Variants in FERMT3 observed in about 807,000 individuals in gnomAD.
FERMT3 encodes the protein FERM domain containing kindlin 3.
A neutral mutation model predicts 80.8 loss-of-function variants in FERMT3; 33 were observed. The observed-to-expected ratio is 0.41, with a 90% CI of 0.31 to 0.55. The LOEUF is 0.55. Ranked by LOEUF, FERMT3 falls within the 20% of genes least tolerant of loss-of-function variation. The pLI is 0.31. For missense variants in FERMT3, 754 were observed against 908.7 expected, an observed-to-expected ratio of 0.83 and a Z score of 2.19; for synonymous variants, 375 against 372.2, an observed-to-expected ratio of 1.01 and a Z score of -0.09.
chr11:64,211,170 G>T lies in FERMT3; in HGVS notation c.513G>T (p.Gly171=), dbSNP rs769761137. ...LYDLSKVVLA[G]GVAPALFRGM... ...ACTTGAGCAAGGTTGTCTTGGCTGG[G>T]GGTGAGTGCAAGTGGGGGTGGGCCT... The change falls in exon 4 of 15, where the codon GGG becomes GGT. Residue 171 remains glycine (G), a splice_region_variant and synonymous_variant. Transcript: ENST00000345728. The surrounding 1 kb of genome is among the most constrained non-coding windows in gnomAD (Gnocchi z 4.7). 2 of 1,551,646 alleles carry T rather than the reference G, an allele frequency of 1.3e-6. No homozygotes were observed. The highest frequency in any genetic ancestry group is 2.4e-5 in the South Asian group (2 of 84,188).
chr11:64,217,421 T>C (rs1946575132), intron 6 of FERMT3, among the ~76,000 whole-genome samples: 1 of 152,056 alleles, frequency 6.6e-6, no homozygotes, highest in South Asian at 2.1e-4. Flanking sequence ...TGGTGGTGCA[T>C]GCCTGTAATC....
chr11:64,216,225 CT>C (rs1308492700), intron 6 of FERMT3, among the ~76,000 whole-genome samples: 5 of 138,792 alleles, frequency 3.6e-5, no homozygotes, highest in African/African-American at 1.4e-4. Flanking sequence ...GAGATGGAGT[CT>C]TCTTCTGTCA....
In FERMT3 at chr11:64,214,806, GT is replaced by G. The variant is rs751133114; in HGVS notation, c.786+3072del. On this transcript the variant is annotated intron_variant, in intron 6 of 14. Transcript: ENST00000345728. The stretch of plus-strand genomic sequence containing the variant: ...TGTTTTTTGAGTGTTCTTTTATAGG[GT>G]TTTTTTTTTTTTGAGAGGGAGTTTC... Among the ~76,000 whole-genome samples, 257 of 140,248 alleles carry G rather than the reference GT, an allele frequency of 1.8e-3. 1 individual carries two copies. The highest frequency in any genetic ancestry group is 3.4e-3 in the African/African-American group (131 of 38,620). The allele number at this position is 140,248 out of a possible 152,430, so 92.0% of individuals were successfully genotyped here. A position where few individuals can be genotyped will look rare whatever the true frequency, so the allele number is the denominator to read the frequency against.
Position 64,211,196 on chromosome 11 carries a change from G to T in FERMT3, c.514+25G>T. ...GGTGAGTGCAAGTGGGGGTGGGCCT[G>T]GGGGGTTGGGGGCAGGGGCCGGCCC... On this transcript the variant is annotated intron_variant, in intron 4 of 14. Transcript: ENST00000345728. The surrounding 1 kb of genome is among the most constrained non-coding windows in gnomAD (Gnocchi z 4.7). 1 of 1,566,328 alleles carries T rather than the reference G, an allele frequency of 6.4e-7. No individual in the cohort carries two copies. The highest frequency in any genetic ancestry group is 1.4e-5 in the African/African-American group (1 of 73,942).
Position 64,223,549 on chromosome 11 carries a change from C to A in FERMT3, c.*57C>A. The A allele has an allele frequency of 6.4e-7, 1 of 1,556,694 alleles. No homozygotes were observed. The highest frequency in any genetic ancestry group is 2.3e-5 in the East Asian group (1 of 42,890). The stretch of plus-strand genomic sequence containing the variant: ...ACCCTGTCACAGCCACTCCCAAGCC[C>A]ACACCCACAGGGGCTCACTGCCCCA... On this transcript the variant is annotated 3_prime_UTR_variant, in exon 15 of 15. Transcript: ENST00000345728.
chr11:64,212,450 C>A (rs1199910409), intron 6 of FERMT3, among the ~76,000 whole-genome samples: 1 of 152,224 alleles, frequency 6.6e-6, no homozygotes, highest in African/African-American at 2.4e-5. Context: ...CCCTCTCACT[C>A]CTTGGCCATG....
intron 13 of FERMT3, among the ~76,000 whole-genome samples, chr11:64,222,563 CAAAA>C (rs34119299): frequency 4.8e-5 from 4 of 83,440 alleles, no homozygotes; most frequent in Admixed American, 1.2e-4. Context: ...CACTCCGTCT[CAAAA>C]AAAAAAAAAA....
chr11:64,223,228 G>A, intron 14 of FERMT3, 39 bp downstream of exon 14: 1 of 1,613,268 alleles, frequency 6.2e-7, no homozygotes, highest in Non-Finnish European at 8.5e-7. Context: ...GGGGACAGGT[G>A]CAGGCCGGAG....
chr11:64,221,235 A>ACAGGCACCCCAAAGACTC, intron 13 of FERMT3, 95 bp downstream of exon 13: 1 of 1,320,264 alleles, frequency 7.6e-7, no homozygotes, highest in South Asian at 1.2e-5. Flanking sequence ...TAGGTTCTGG[A>ACAGGCACCCCAAAGACTC]CAGGCACCCC....
At position 64,211,748 on chromosome 11, in the gene FERMT3, G is replaced by A. The variant is rs1946445537; in HGVS notation, c.786+1G>A. ...CAGCTTCTTCGATTTGGATCCCAAG[G>A]TGGGTCGGGGCAGGGAGAAAGCGGG... On this transcript the variant is annotated splice_donor_variant, in intron 6 of 14. Transcript: ENST00000345728. LOFTEE classifies it high-confidence loss of function. The surrounding 1 kb of genome is among the most constrained non-coding windows in gnomAD (Gnocchi z 4.7). 6 of 1,614,158 alleles carry A rather than the reference G, an allele frequency of 3.7e-6. No homozygotes were observed. Among genetic ancestry groups the A allele is most frequent in the Non-Finnish European group, 5.1e-6 (6 of 1,180,018 alleles).
Position 64,220,465 on chromosome 11 carries a change from C to T in FERMT3, c.1341C>T (p.Gly447=). ...DEQQYARWMA[G]CRLASKGRTM... is the part of the protein sequence containing the mutation. ...AGCAGTATGCCCGCTGGATGGCTGGCTGCCGCCTGGCCTCCAAAGGCCGCA... is the reference window on the plus strand; with the variant it reads ...AGCAGTATGCCCGCTGGATGGCTGGTTGCCGCCTGGCCTCCAAAGGCCGCA... The change falls in exon 12 of 15, where the codon GGC becomes GGT. Residue 447 remains glycine, a synonymous_variant. Transcript: ENST00000345728. 6.2e-7 allele frequency: 1 copy of T among 1,610,008 alleles called. No individual in the cohort carries two copies. Among genetic ancestry groups the T allele is most frequent in the East Asian group, 2.2e-5 (1 of 44,790 alleles).
In FERMT3 at chr11:64,211,410, G is replaced by C; in HGVS notation, c.650G>C (p.Ser217Thr). Residue 217 changes from serine (S) to threonine (T), a missense_variant, in exon 5 of 15, where the codon AGC becomes ACC. By Grantham distance (58) the Ser-to-Thr change is moderately conservative (BLOSUM62 1). Coordinates refer to ENST00000345728, the MANE Select transcript of FERMT3 (RefSeq NM_031471.6). This position sits in a 1 kb window ranked among gnomAD's most constrained non-coding sequence, Gnocchi z 4.7. Reference sequence around the variant, plus strand: ...CTGCTCCAGCGTCTGCCACGGCCCAGCTCCCTGTCAGACAAGACCCAGCTC... The same window carrying C: ...CTGCTCCAGCGTCTGCCACGGCCCACCTCCCTGTCAGACAAGACCCAGCTC... Reference protein sequence around the residue: ...PLLLQRLPRPSSLSDKTQLHS... With the variant: ...PLLLQRLPRPTSLSDKTQLHS... The C allele has an allele frequency of 6.2e-7, 1 of 1,601,814 alleles. No homozygotes were observed. Among genetic ancestry groups the C allele is most frequent in the South Asian group, 1.1e-5 (1 of 89,548 alleles).
In FERMT3 at chr11:64,207,696, C is replaced by T. The variant is rs933547121; in HGVS notation, c.160+172C>T. 5 of 732,476 alleles carry T rather than the reference C, an allele frequency of 6.8e-6. No individual in the cohort carries two copies. In the East Asian group the frequency reaches 1.4e-4, roughly 21 times the overall value. The allele number at this position is 732,476 out of a possible 1,614,324, so 45.4% of individuals were successfully genotyped here. ...AAAAGACATTTCCCCAACTTCCTCTCCCTCCCACCCTCTTCCCTCCCTCCC... is the reference window on the plus strand; with the variant it reads ...AAAAGACATTTCCCCAACTTCCTCTTCCTCCCACCCTCTTCCCTCCCTCCC... On this transcript the variant is annotated intron_variant, in intron 2 of 14. Transcript: ENST00000345728.
At chr11:64,215,091 T>A (rs1321329241) in intron 6 of FERMT3, among the ~76,000 whole-genome samples, 2 of 152,236 alleles carry the variant, frequency 1.3e-5, no homozygotes, top group Non-Finnish European at 2.9e-5. Context: ...ATTACAGGCA[T>A]GAGCCACCAC....
At chr11:64,212,742 T>C (rs1210706649) in intron 6 of FERMT3, among the ~76,000 whole-genome samples, 1 of 152,002 alleles carries the variant, frequency 6.6e-6, no homozygotes, top group Non-Finnish European at 1.5e-5. Context: ...CCCCAGGCTC[T>C]GCCCCAGGCT....
rs1183110181 is a variant in FERMT3 at position 64,219,500 on chromosome 11, C to T, written c.895-24C>T. 2 of 1,586,176 alleles carry T rather than the reference C, an allele frequency of 1.3e-6. No homozygotes were observed. Among genetic ancestry groups the T allele is most frequent in the Admixed American group, 1.8e-5 (1 of 54,872 alleles). On this transcript the variant is annotated intron_variant, in intron 7 of 14. Transcript: ENST00000345728. The surrounding 1 kb of genome is among the most constrained non-coding windows in gnomAD (Gnocchi z 4.0). Reference sequence around the variant, plus strand: ...GGGGACCAGGCTGCTGGACTCAGCCCTCCCTGGCTTCATGACCACCTAGTA... The same window carrying T: ...GGGGACCAGGCTGCTGGACTCAGCCTTCCCTGGCTTCATGACCACCTAGTA...
chr11:64,220,833 C>T (rs911670731), intron 12 of FERMT3, 164 bp downstream of exon 12: 19 of 1,312,564 alleles, frequency 1.4e-5, no homozygotes, highest in South Asian at 5.0e-5. Flanking sequence ...GGAGGAGTCA[C>T]GGTCCAGGTG....
chr11:64,211,661 C>T lies in FERMT3; in HGVS notation c.700C>T (p.Arg234Trp), dbSNP rs1260750258. ...GCGGCCCAGGTGGCTGGACTCGTCG[C>T]GGTGTCTCATGCAGCAGGGCATCAA... ...QLHSRWLDSS[R>W]CLMQQGIKAG... is the part of the protein sequence containing the mutation. The change falls in exon 6 of 15, where the codon CGG becomes TGG. Residue 234 changes from arginine to tryptophan, a missense_variant. Transcript: ENST00000345728. This position sits in a 1 kb window ranked among gnomAD's most constrained non-coding sequence, Gnocchi z 4.7. 6.8e-6 allele frequency: 11 copies of T among 1,614,102 alleles called. No individual in the cohort carries two copies. The highest frequency in any genetic ancestry group is 1.1e-5 in the South Asian group (1 of 91,078).
In FERMT3 at chr11:64,210,588, A is replaced by G. The variant is rs749339903; in HGVS notation, c.161-23A>G. 2 of 1,608,612 alleles carry G rather than the reference A, an allele frequency of 1.2e-6. No homozygotes were observed. Among genetic ancestry groups the G allele is most frequent in the Admixed American group, 3.3e-5 (2 of 59,996 alleles). On this transcript the variant is annotated intron_variant, in intron 2 of 14. Coordinates refer to ENST00000345728, the MANE Select transcript of FERMT3 (RefSeq NM_031471.6). This position sits in a 1 kb window ranked among gnomAD's most constrained non-coding sequence, Gnocchi z 4.3. Reference sequence around the variant, plus strand: ...GGCACCAGGGAGGAAGGTTGGACCCAGATGTGCCCCCGTGCCCCACAGATC... The same window carrying G: ...GGCACCAGGGAGGAAGGTTGGACCCGGATGTGCCCCCGTGCCCCACAGATC...
Sources: allele counts gnomAD v4.1 joint callset (sites outside exome capture counted in the v4.1 genomes callset), GRCh38; gene constraint gnomAD v4.1.1; non-coding constraint Gnocchi (gnomAD v3.1); transcripts MANE v1.5; gene names NCBI Gene and HGNC (gene_info 2026-07-23, HGNC 2026-07-21).